The following EDIL3 variants were observed in gnomAD, a reference collection of about 807,000 sequenced individuals.
EDIL3 encodes the protein EGF like and discoidin domains 3.
EDIL3 carries 37 observed loss-of-function variants against 67.4 expected under a neutral mutation model. That is an observed-to-expected ratio of 0.55 (90% CI 0.42 to 0.72). EDIL3 has a LOEUF of 0.72. EDIL3 is among the 30% of genes least tolerant of loss of function. The pLI is 0.00. For synonymous variants in EDIL3, 195 were observed against 196.3 expected (o/e 0.99, Z 0.05); for missense variants, 527 against 586.3 (o/e 0.90, Z 1.04).
intron 5 of EDIL3, among the ~76,000 whole-genome samples, chr5:84,123,644 T>C (rs1747815857): frequency 6.6e-6 from 1 of 151,960 alleles, no homozygotes; most frequent in African/African-American, 2.4e-5. Flanking sequence ...ACATGAATTA[T>C]TAACTGAAAC....
chr5:83,993,829 C>G (rs989135932), intron 9 of EDIL3, among the ~76,000 whole-genome samples: 1 of 152,164 alleles, frequency 6.6e-6, no homozygotes, highest in Non-Finnish European at 1.5e-5. Context: ...GTTGAGTCTT[C>G]CTCTCTGCCC....
intron 4 of EDIL3, among the ~76,000 whole-genome samples, chr5:84,178,184 T>C (rs929328278): frequency 2.0e-5 from 3 of 152,194 alleles, no homozygotes; most frequent in Admixed American, 2.0e-4. Context: ...AAGCCTTATG[T>C]AGTATTTCTC....
chr5:84,251,406 C>T (rs892599400), intron 2 of EDIL3, among the ~76,000 whole-genome samples: 2 of 151,114 alleles, frequency 1.3e-5, no homozygotes, highest in Admixed American at 6.6e-5. Flanking sequence ...TGAGCCACCA[C>T]GCCCGGCCTT....
At chr5:84,139,309 G>A (rs867561293) in intron 4 of EDIL3, among the ~76,000 whole-genome samples, 1 of 151,164 alleles carries the variant, frequency 6.6e-6, no homozygotes, top group African/African-American at 2.4e-5. Context: ...ATGGATGGGA[G>A]GGAGGGAGGG....
chr5:83,944,894 A>C (rs988321895), intron 10 of EDIL3, among the ~76,000 whole-genome samples: 1 of 152,022 alleles, frequency 6.6e-6, no homozygotes, highest in Non-Finnish European at 1.5e-5. Flanking sequence ...AACAAAAAAC[A>C]ACCAAACTCC....
At chr5:84,376,943 G>T (rs1365208118) in intron 1 of EDIL3, among the ~76,000 whole-genome samples, 1 of 152,176 alleles carries the variant, frequency 6.6e-6, no homozygotes, top group East Asian at 1.9e-4. Context: ...TTATAATACA[G>T]AAGTTAAACT....
chr5:83,986,400 A>G (rs1745057947), intron 9 of EDIL3, among the ~76,000 whole-genome samples: 1 of 152,140 alleles, frequency 6.6e-6, no homozygotes, highest in Non-Finnish European at 1.5e-5. Flanking sequence ...TAAATTAACT[A>G]ACTTTCCTGA....
intron 8 of EDIL3, 48 bp from the exon 9 acceptor site, chr5:84,060,532 G>T: frequency 6.3e-7 from 1 of 1,598,828 alleles, no homozygotes; most frequent in South Asian, 1.1e-5. Context: ...TTGATCACCT[G>T]GAACTTTTCT....
chr5:84,125,646 A>T (rs1747856796), intron 5 of EDIL3, among the ~76,000 whole-genome samples: 1 of 152,046 alleles, frequency 6.6e-6, no homozygotes, highest in African/African-American at 2.4e-5. Context: ...CTAAGTTAAC[A>T]GGCGGACATT....
chr5:83,948,046 C>A (rs139277893), intron 10 of EDIL3, among the ~76,000 whole-genome samples: 2 of 151,690 alleles, frequency 1.3e-5, no homozygotes, highest in African/African-American at 2.4e-5. Context: ...AGATAGAGTG[C>A]GCCTTTGTTG....
intron 1 of EDIL3, among the ~76,000 whole-genome samples, chr5:84,341,433 A>G (rs1490612331): frequency 1.3e-5 from 2 of 152,104 alleles, no homozygotes; most frequent in Non-Finnish European, 2.9e-5. Context: ...TACAAGAATC[A>G]AAACAGAGCT....
intron 3 of EDIL3, among the ~76,000 whole-genome samples, chr5:84,214,539 T>G (rs1250988925): frequency 6.6e-6 from 1 of 152,192 alleles, no homozygotes; most frequent in Non-Finnish European, 1.5e-5. Flanking sequence ...CAATATCTGG[T>G]TGCTTGAATA....
intron 2 of EDIL3, among the ~76,000 whole-genome samples, chr5:84,242,616 G>T (rs1418128175): frequency 6.6e-6 from 1 of 151,664 alleles, no homozygotes; most frequent in Admixed American, 6.6e-5. Context: ...TGGGCGACAT[G>T]GCAAAACCCT....
At chr5:84,378,379 C>T (rs1274674447) in intron 1 of EDIL3, among the ~76,000 whole-genome samples, 1 of 152,138 alleles carries the variant, frequency 6.6e-6, no homozygotes, top group East Asian at 1.9e-4. Context: ...CCACTCCCCA[C>T]CCCAAACCCT....
intron 9 of EDIL3, among the ~76,000 whole-genome samples, chr5:84,018,027 C>A (rs1248495258): frequency 6.6e-6 from 1 of 152,120 alleles, no homozygotes; most frequent in African/African-American, 2.4e-5. Flanking sequence ...CTTTCGCCAT[C>A]GTATGAAAAG....
intron 8 of EDIL3, among the ~76,000 whole-genome samples, chr5:84,063,080 T>G (rs574919502): frequency 3.9e-5 from 6 of 152,140 alleles, no homozygotes; most frequent in Non-Finnish European, 8.8e-5. Context: ...ACCTGTAAAG[T>G]GTCAGGTGCA....
chr5:84,035,508 C>T (rs1464413960), intron 9 of EDIL3, among the ~76,000 whole-genome samples: 2 of 152,072 alleles, frequency 1.3e-5, no homozygotes, highest in African/African-American at 4.8e-5. Context: ...GAAATGGGGT[C>T]ACTCATTGGT....
chr5:84,160,035 A>G (rs941547290), intron 4 of EDIL3, among the ~76,000 whole-genome samples: 1 of 152,062 alleles, frequency 6.6e-6, no homozygotes, highest in Non-Finnish European at 1.5e-5. Context: ...TTTCAGGCCA[A>G]TTGTGGATTT....
chr5:84,256,108 C>G (rs1408176572), intron 1 of EDIL3, among the ~76,000 whole-genome samples: 1 of 139,576 alleles, frequency 7.2e-6, no homozygotes. Context: ...CATTTATATA[C>G]TTATCATCTA....
Sources: gnomAD v4.1 joint callset for allele counts (sites outside exome capture counted in the v4.1 genomes callset) on GRCh38, gnomAD v4.1.1 for gene constraint, MANE v1.5 for transcripts, NCBI Gene and HGNC (gene_info 2026-07-23, HGNC 2026-07-21) for gene names.